The following NKAIN1 variants were observed in gnomAD, a reference collection of about 807,000 sequenced individuals.
The protein encoded by NKAIN1 is sodium/potassium-transporting ATPase subunit beta-1-interacting protein 1.
Under a neutral mutation model 31.6 loss-of-function variants are expected in NKAIN1, and 13 were observed. That is an observed-to-expected ratio of 0.41 (90% confidence interval 0.27 to 0.65). The LOEUF (loss-of-function observed/expected upper bound fraction) is 0.65, where lower values mean the gene tolerates loss of function less well. Among genes scored for constraint, NKAIN1 ranks in the 30% least tolerant of loss-of-function variants. The probability of loss-of-function intolerance (pLI) is 0.30; values close to 1 mark genes in which losing one functional copy is unlikely to be tolerated. For missense variants in NKAIN1, 193 were observed against 262.2 expected (o/e 0.74, Z 1.82); for synonymous variants, 104 against 109.0 (o/e 0.95, Z 0.28).
In NKAIN1 at chr1:31,217,807, C is replaced by T. The variant is rs1226068002; in HGVS notation, c.54+21687G>A. Among the ~76,000 whole-genome samples, 5 of 152,166 alleles carry T rather than the reference C, an allele frequency of 3.3e-5. No individual in the cohort carries two copies. In the East Asian group the frequency reaches 9.6e-4, roughly 29 times the overall value. On this transcript the variant is annotated intron_variant, in intron 1 of 6. Transcript: ENST00000373736. The stretch of plus-strand genomic sequence containing the variant: ...GACAGGAGTTGGACCTAACAGGCCC[C>T]ACTGTGTCCCTGGGGTTCTGTGTAC...
chr1:31,187,511 C>G (rs894168170), intron 2 of NKAIN1, among the ~76,000 whole-genome samples: 1 of 152,158 alleles, frequency 6.6e-6, no homozygotes, highest in Non-Finnish European at 1.5e-5. Flanking sequence ...CCAAGCCTTC[C>G]TGAAGCTTCT....
chr1:31,198,953 C>A (rs925901898), intron 1 of NKAIN1, among the ~76,000 whole-genome samples: 1 of 152,220 alleles, frequency 6.6e-6, no homozygotes, highest in South Asian at 2.1e-4. Context: ...GAGAAGGTAG[C>A]GTAGGGCCCA....
intron 1 of NKAIN1, among the ~76,000 whole-genome samples, chr1:31,217,873 G>A (rs1463447366): frequency 2.0e-5 from 3 of 152,004 alleles, no homozygotes; most frequent in Admixed American, 1.3e-4. Context: ...GTTCTCTAGG[G>A]ACCCTCTTGG....
intron 1 of NKAIN1, among the ~76,000 whole-genome samples, chr1:31,200,026 C>T (rs1645365390): frequency 5.8e-5 from 1 of 17,160 alleles, no homozygotes; most frequent in African/African-American, 9.7e-5. Context: ...CACACACACG[C>T]ACACACACAC....
At position 31,182,575 on chromosome 1, in the gene NKAIN1, A is replaced by T. The variant is rs202161529; in HGVS notation, c.487T>A (p.Phe163Ile). The T allele has an allele frequency of 8.4e-5, 135 of 1,614,032 alleles. No homozygotes were observed. The highest frequency in any genetic ancestry group is 1.1e-4 in the Non-Finnish European group (127 of 1,180,006). Residue 163 changes from phenylalanine to isoleucine, a missense_variant, in exon 5 of 7, where the codon TTC becomes ATC. Coordinates refer to ENST00000373736, the MANE Select transcript of NKAIN1 (RefSeq NM_024522.3). ...QIFLALFGFV[F>I]ACYVSKVFLE... ...AACACTTTGCTCACGTAGCAGGCGA[A>T]CACGAAGCCGAACAGCTGGGAGTGG...
intron 1 of NKAIN1, among the ~76,000 whole-genome samples, chr1:31,211,587 T>A (rs146537924): frequency 7.1e-6 from 1 of 140,330 alleles, no homozygotes; most frequent in African/African-American, 2.6e-5. Context: ...ATGCACTCTA[T>A]CAAAATTCCA....
At chr1:31,201,543 A>C (rs966688346) in intron 1 of NKAIN1, among the ~76,000 whole-genome samples, 4 of 151,192 alleles carry the variant, frequency 2.6e-5, no homozygotes, top group African/African-American at 9.7e-5. Context: ...TTGTATTTTT[A>C]ATAGAGACAG....
intron 1 of NKAIN1, among the ~76,000 whole-genome samples, chr1:31,238,101 G>C (rs1645705326): frequency 6.6e-6 from 1 of 152,190 alleles, no homozygotes; most frequent in South Asian, 2.1e-4. Context: ...CCGGCCAGTG[G>C]GGGGAAGTCA....
At chr1:31,214,876 G>T (rs1645498839) in intron 1 of NKAIN1, among the ~76,000 whole-genome samples, 1 of 152,222 alleles carries the variant, frequency 6.6e-6, no homozygotes, top group African/African-American at 2.4e-5. Flanking sequence ...GGGCTGGAGG[G>T]GCCGTCATGC....
At chr1:31,212,420 TA>T (rs796081302) in intron 1 of NKAIN1, among the ~76,000 whole-genome samples, 7 of 27,800 alleles carry the variant, frequency 2.5e-4, no homozygotes, top group South Asian at 1.1e-3. Context: ...TTTTTTTTTT[TA>T]GGAGACAAGG....
chr1:31,220,460 A>G (rs1202941418), intron 1 of NKAIN1, among the ~76,000 whole-genome samples: 1 of 152,040 alleles, frequency 6.6e-6, no homozygotes, highest in African/African-American at 2.4e-5. Flanking sequence ...CTAGCACAGA[A>G]TAAGCACCCA....
intron 1 of NKAIN1, among the ~76,000 whole-genome samples, chr1:31,212,612 C>T (rs1250464538): frequency 1.3e-5 from 2 of 152,050 alleles, no homozygotes; most frequent in Non-Finnish European, 2.9e-5. Flanking sequence ...ACCATGTTGC[C>T]CACACTGGTC....
chr1:31,202,280 A>G (rs918745817), intron 1 of NKAIN1, among the ~76,000 whole-genome samples: 1 of 152,204 alleles, frequency 6.6e-6, no homozygotes, highest in Non-Finnish European at 1.5e-5. Context: ...CCATTAGAAC[A>G]AAGTGCCTGG....
At chr1:31,185,954 G>A (rs1645238785) in intron 2 of NKAIN1, among the ~76,000 whole-genome samples, 1 of 151,988 alleles carries the variant, frequency 6.6e-6, no homozygotes, top group African/African-American at 2.4e-5. Context: ...TGGGCCAGGT[G>A]CAGTGGCTCA....
intron 1 of NKAIN1, among the ~76,000 whole-genome samples, chr1:31,221,659 C>T (rs1645566200): frequency 6.6e-6 from 1 of 152,086 alleles, no homozygotes; most frequent in South Asian, 2.1e-4. Context: ...TGGTCTCGAT[C>T]TCTTGACCTC....
chr1:31,234,109 C>T (rs6685868), intron 1 of NKAIN1, among the ~76,000 whole-genome samples: 76,409 of 152,124 alleles, frequency 0.5, 20,091 homozygotes, highest in Non-Finnish European at 0.59. Context: ...ATAAGGGCCT[C>T]GAGGGCAGTT....
chr1:31,230,719 T>C (rs1645640991), intron 1 of NKAIN1, among the ~76,000 whole-genome samples: 1 of 150,746 alleles, frequency 6.6e-6, no homozygotes, highest in African/African-American at 2.4e-5. Context: ...AAAATGTTTT[T>C]AATTTTTAAT....
At position 31,239,725 on chromosome 1, in the gene NKAIN1, C is replaced by T. The variant is rs1374643164; in HGVS notation, c.-178G>A. Among the ~76,000 whole-genome samples, 5 of 150,668 alleles carry T rather than the reference C, an allele frequency of 3.3e-5. No homozygotes were observed. Among genetic ancestry groups the T allele is most frequent in the African/African-American group, 9.7e-5 (4 of 41,228 alleles). ...CCAAGGCTGGGGCCGGCCGCCCGCG[C>T]TCCGAGTCCATGGTCCGTCCGTCCG... On this transcript the variant is annotated 5_prime_UTR_variant, in exon 1 of 7. Coordinates refer to ENST00000373736, the MANE Select transcript of NKAIN1 (RefSeq NM_024522.3). The surrounding 1 kb of genome is among the most constrained non-coding windows in gnomAD (Gnocchi z 4.8).
chr1:31,207,230 G>A (rs1324686846), intron 1 of NKAIN1, among the ~76,000 whole-genome samples: 1 of 152,174 alleles, frequency 6.6e-6, no homozygotes, highest in Non-Finnish European at 1.5e-5. Flanking sequence ...ATACTTATTA[G>A]CTGTGTGACC....
Sources: allele counts gnomAD v4.1 joint callset (sites outside exome capture counted in the v4.1 genomes callset), GRCh38; gene constraint gnomAD v4.1.1; non-coding constraint Gnocchi (gnomAD v3.1); transcripts MANE v1.5; gene names NCBI Gene and HGNC (gene_info 2026-07-23, HGNC 2026-07-21).